The following OXCT1 variants were observed in gnomAD, a reference collection of about 807,000 sequenced individuals.
The protein encoded by OXCT1 is succinyl-CoA:3-ketoacid coenzyme A transferase 1, mitochondrial.
OXCT1 carries 27 observed loss-of-function variants against 69.6 expected under a neutral mutation model. That is an observed-to-expected ratio of 0.39 (90% CI 0.29 to 0.54). The LOEUF (loss-of-function observed/expected upper bound fraction) is 0.54. Among genes scored for constraint, OXCT1 ranks in the 20% least tolerant of loss-of-function variants. The probability of loss-of-function intolerance (pLI) is 0.72; values close to 1 mark genes in which losing one functional copy is unlikely to be tolerated. For missense variants in OXCT1, 437 were observed against 650.2 expected (o/e 0.67, Z 3.57); for synonymous variants, 202 against 217.8 (o/e 0.93, Z 0.64).
chr5:41,810,411 T>A (rs990103663), intron 7 of OXCT1, among the ~76,000 whole-genome samples: 3 of 152,170 alleles, frequency 2.0e-5, no homozygotes, highest in Admixed American at 2.0e-4. Context: ...CAGATGTAAG[T>A]ATCCTCAGGC....
intron 13 of OXCT1, among the ~76,000 whole-genome samples, chr5:41,781,602 C>T (rs1349247389): frequency 1.3e-5 from 2 of 152,110 alleles, no homozygotes; most frequent in East Asian, 1.9e-4. Context: ...CTGATACTCT[C>T]GCTCCCCCCA....
chr5:41,853,573 G>A lies in OXCT1; in HGVS notation c.279-19C>T. 2 of 1,612,814 alleles carry A rather than the reference G, an allele frequency of 1.2e-6. No individual in the cohort carries two copies. Among genetic ancestry groups the A allele is most frequent in the Non-Finnish European group, 1.7e-6 (2 of 1,179,302 alleles). ...GTCAACCCTAGAAGGAAAATGAAGG[G>A]AGCTTACCAAAGAGCATCTGACAGA... On this transcript the variant is annotated intron_variant, in intron 3 of 16. Transcript: ENST00000196371.
chr5:41,847,532 T>C (rs1748977406), intron 5 of OXCT1, among the ~76,000 whole-genome samples: 1 of 151,770 alleles, frequency 6.6e-6, no homozygotes. Context: ...AAATCCTCAA[T>C]AAAATACTGG....
intron 13 of OXCT1, among the ~76,000 whole-genome samples, chr5:41,793,555 A>G (rs930747163): frequency 2.6e-5 from 4 of 152,252 alleles, no homozygotes; most frequent in Non-Finnish European, 1.5e-5. Flanking sequence ...AGCAGAGGAC[A>G]ATGATTATTT....
chr5:41,732,068 GC>G (rs1190940885), intron 16 of OXCT1, among the ~76,000 whole-genome samples: 4 of 152,134 alleles, frequency 2.6e-5, no homozygotes, highest in African/African-American at 9.7e-5. Flanking sequence ...CAATAACCAA[GC>G]CCCCTGTCAG....
At chr5:41,794,179 CT>C in intron 12 of OXCT1, 101 bp from the exon 13 acceptor site, 2 of 817,512 alleles carry the variant, frequency 2.4e-6, no homozygotes, top group South Asian at 2.7e-5. Context: ...CCAAAATATA[CT>C]TGCTTCCCCC....
rs570793759 is a variant in OXCT1, at chr5:41,867,716, C to G, written c.78+2565G>C. On this transcript the variant is annotated intron_variant, in intron 1 of 16. Coordinates refer to ENST00000196371, the MANE Select transcript of OXCT1 (RefSeq NM_000436.4). Reference sequence around the variant, plus strand: ...CCAACTGACATCCAAGTGAAGTTCACCAGTTGCACCAGAAGGACTGCAGCT... The same window carrying G: ...CCAACTGACATCCAAGTGAAGTTCAGCAGTTGCACCAGAAGGACTGCAGCT... Among the ~76,000 whole-genome samples, 9 of 152,298 alleles carry G rather than the reference C, an allele frequency of 5.9e-5. No homozygotes were observed. The East Asian group carries it at 1.5e-3, about 26-fold the overall frequency.
At chr5:41,747,857 C>G (rs1233692208) in intron 15 of OXCT1, among the ~76,000 whole-genome samples, 2 of 151,978 alleles carry the variant, frequency 1.3e-5, no homozygotes, top group Admixed American at 6.6e-5. Flanking sequence ...ACACCTCTGC[C>G]CACACTGCTG....
chr5:41,840,094 T>A (rs1168073348), intron 7 of OXCT1, among the ~76,000 whole-genome samples: 1 of 152,236 alleles, frequency 6.6e-6, no homozygotes, highest in African/African-American at 2.4e-5. Flanking sequence ...CACAGTAAGA[T>A]CATGAACTTC....
intron 13 of OXCT1, among the ~76,000 whole-genome samples, chr5:41,778,060 G>A (rs865947914): frequency 6.6e-6 from 1 of 152,156 alleles, no homozygotes; most frequent in Admixed American, 6.5e-5. Context: ...TTGAGTCAAA[G>A]CTTATGAGGA....
chr5:41,846,479 G>A (rs1356941339), intron 5 of OXCT1, among the ~76,000 whole-genome samples: 1 of 148,870 alleles, frequency 6.7e-6, no homozygotes, highest in Non-Finnish European at 1.5e-5. Context: ...TTTTATGGCT[G>A]CATAGTATTC....
intron 13 of OXCT1, among the ~76,000 whole-genome samples, chr5:41,767,720 GTGTATATATATATATA>G (rs1248966044): frequency 2.3e-4 from 18 of 78,312 alleles, no homozygotes; most frequent in Admixed American, 5.9e-4. Context: ...ATATATGTGT[GTGTATATATATATATA>G]TATATATATA....
rs1419996425 is a variant in OXCT1, at chr5:41,870,260, T to A, written c.78+21A>T. On this transcript the variant is annotated intron_variant, in intron 1 of 16. Coordinates refer to ENST00000196371, the MANE Select transcript of OXCT1 (RefSeq NM_000436.4). The surrounding 1 kb of genome is among the most constrained non-coding windows in gnomAD (Gnocchi z 4.2). Reference sequence around the variant, plus strand: ...TCCACGTTCTTCCTGCCCATGGCCTTCCTCTTCCCCCGCACTTTACCTTGT... The same window carrying A: ...TCCACGTTCTTCCTGCCCATGGCCTACCTCTTCCCCCGCACTTTACCTTGT... The A allele has an allele frequency of 1.2e-6, 2 of 1,603,242 alleles. No homozygotes were observed. The highest frequency in any genetic ancestry group is 2.7e-5 in the African/African-American group (2 of 74,724).
chr5:41,851,758 G>A (rs534358116), intron 4 of OXCT1, among the ~76,000 whole-genome samples: 8 of 152,200 alleles, frequency 5.3e-5, no homozygotes, highest in East Asian at 3.9e-4. Flanking sequence ...ACTTTCTGAC[G>A]AAATAAGGAG....
chr5:41,776,113 A>G (rs959923170), intron 13 of OXCT1, among the ~76,000 whole-genome samples: 20 of 152,204 alleles, frequency 1.3e-4, no homozygotes, highest in Non-Finnish European at 2.6e-4. Context: ...AGGGCACTCT[A>G]CTTCTATGAT....
intron 13 of OXCT1, among the ~76,000 whole-genome samples, chr5:41,779,283 G>C (rs1451056826): frequency 6.6e-6 from 1 of 152,156 alleles, no homozygotes; most frequent in Admixed American, 6.5e-5. Flanking sequence ...CCAAGAACTT[G>C]ATTTCAGAGA....
At chr5:41,833,827 G>A (rs754020325) in intron 7 of OXCT1, among the ~76,000 whole-genome samples, 2 of 152,022 alleles carry the variant, frequency 1.3e-5, no homozygotes, top group Admixed American at 6.6e-5. Context: ...TTGGGAGGCC[G>A]AGGTGGGTAG....
intron 3 of OXCT1, among the ~76,000 whole-genome samples, chr5:41,854,252 T>C (rs914116341): frequency 2.6e-5 from 4 of 152,208 alleles, no homozygotes; most frequent in African/African-American, 7.2e-5. Context: ...AAATTATATA[T>C]ACTATAGTTT....
chr5:41,857,472 G>C (rs1749485071), intron 3 of OXCT1, among the ~76,000 whole-genome samples: 1 of 152,106 alleles, frequency 6.6e-6, no homozygotes, highest in African/African-American at 2.4e-5. Flanking sequence ...TAAATTGAGG[G>C]GTCCCCTTGC....
Sources: allele counts gnomAD v4.1 joint callset (sites outside exome capture counted in the v4.1 genomes callset), GRCh38; gene constraint gnomAD v4.1.1; non-coding constraint Gnocchi (gnomAD v3.1); transcripts MANE v1.5; gene names NCBI Gene and HGNC (gene_info 2026-07-23, HGNC 2026-07-21).